The following ACIN1 variants were observed in gnomAD, a reference collection of about 807,000 sequenced individuals.
ACIN1 encodes apoptotic chromatin condensation inducer 1, also known as apoptotic chromatin condensation inducer in the nucleus.
ACIN1 carries 16 observed loss-of-function variants against 146.6 expected under a neutral mutation model. The ratio of observed to expected loss-of-function variants is 0.11; its 90% CI spans 0.07 to 0.17. The LOEUF (loss-of-function observed/expected upper bound fraction) is 0.17, where lower values mean the gene tolerates loss of function less well. Among genes scored for constraint, ACIN1 ranks in the 10% least tolerant of loss-of-function variants. The probability of loss-of-function intolerance (pLI) is 1.00; values close to 1 mark genes in which losing one functional copy is unlikely to be tolerated. For missense variants in ACIN1, 1,357 were observed against 1,609.3 expected, an observed-to-expected ratio of 0.84 and a Z score of 2.68; for synonymous variants, 569 against 582.7, an observed-to-expected ratio of 0.98 and a Z score of 0.34.
At position 23,069,552 on chromosome 14, in the gene ACIN1, G is replaced by T; in HGVS notation, c.2189C>A (p.Pro730His). Residue 730 changes from proline to histidine, a missense_variant, in exon 9 of 19, where the codon CCT becomes CAT. Coordinates refer to ENST00000605057, the MANE Select transcript of ACIN1 (RefSeq NM_001386863.1). ...ENRPENDVPE[P>H]PMPIADQVSN... ...GACTTGGTCTGCAATAGGCATGGGA[G>T]GTTCTGGAACATCATTTTCAGGTCT... The T allele has an allele frequency of 6.2e-7, 1 of 1,613,886 alleles. No homozygotes were observed. The highest frequency in any genetic ancestry group is 8.5e-7 in the Non-Finnish European group (1 of 1,179,940).
At chr14:23,069,275 A>G (rs2140059986) in intron 9 of ACIN1, 1 of 1,254,252 alleles carries the variant, frequency 8.0e-7, no homozygotes. Flanking sequence ...AGGAAAGGAA[A>G]ATGAATGAGC....
At chr14:23,070,856 T>C (rs2047620830) in intron 8 of ACIN1, among the ~76,000 whole-genome samples, 1 of 152,024 alleles carries the variant, frequency 6.6e-6, no homozygotes, top group Non-Finnish European at 1.5e-5. Flanking sequence ...ATCGGAACTG[T>C]GCCCCCAGCT....
intron 4 of ACIN1, among the ~76,000 whole-genome samples, chr14:23,089,456 T>C (rs1842456128): frequency 6.6e-6 from 1 of 152,204 alleles, no homozygotes; most frequent in Non-Finnish European, 1.5e-5. Flanking sequence ...GCTCACATAA[T>C]ACTCTGCGTT....
At chr14:23,086,448 T>C (rs963406519) in intron 4 of ACIN1, among the ~76,000 whole-genome samples, 4 of 152,220 alleles carry the variant, frequency 2.6e-5, no homozygotes, top group Admixed American at 2.6e-4. Flanking sequence ...AGGTGGATAA[T>C]GAGTCCTAAC....
At chr14:23,095,345 A>G (rs2140270646), upstream of ACIN1, 1 of 1,538,784 alleles carries the variant, frequency 6.5e-7, no homozygotes, top group Non-Finnish European at 8.8e-7. Context: ...CCCTGCTTTC[A>G]GGCTCGGTTT....
rs1356927909 is a variant in ACIN1, at chr14:23,080,536, T to G, written c.799A>C (p.Lys267Gln). The G allele has an allele frequency of 1.2e-6, 2 of 1,614,160 alleles. No homozygotes were observed. Among genetic ancestry groups the G allele is most frequent in the Middle Eastern group, 1.6e-4 (1 of 6,062 alleles). ...KPEEMMDERP[K>Q]TRSQEQEVLE... ...ACCTCCTGTTCCTGGGATCTTGTTT[T>G]GGGTCTCTCATCCATCATCTCCTCT... The change falls in exon 6 of 19, where the codon AAA becomes CAA. Residue 267 changes from lysine (K) to glutamine (Q), a missense_variant. Coordinates refer to ENST00000605057, the MANE Select transcript of ACIN1 (RefSeq NM_001386863.1).
chr14:23,061,156 C>G lies in ACIN1; in HGVS notation c.3453G>C (p.Lys1151Asn). The change falls in exon 18 of 19, where the codon AAG becomes AAC. Residue 1151 changes from lysine (K) to asparagine (N), a missense_variant. This residue lies in a region of ACIN1 where 509 missense variants were observed against 719.6 expected (regional missense o/e 0.71). Transcript: ENST00000605057. The part of the protein sequence containing the change: ...KEKAQEEPPA[K>N]LLDDLFRKTK... ...TCTTTCGGAAAAGGTCATCCAGCAGCTTGGCAGGTGGTTCCTCCTGGGCTT... is the reference window on the plus strand; with the variant it reads ...TCTTTCGGAAAAGGTCATCCAGCAGGTTGGCAGGTGGTTCCTCCTGGGCTT... 1 of 1,614,142 alleles carries G rather than the reference C, an allele frequency of 6.2e-7. No homozygotes were observed. The highest frequency in any genetic ancestry group is 2.2e-5 in the East Asian group (1 of 44,872).
rs1455771747 is a variant in ACIN1 at position 23,064,099 on chromosome 14, C to G, written c.2595+6G>C. ...TTCCCCTGACACTGGGGTGCAGAAG[C>G]CTTACCTGAGTGACTGTCCGGCATA... On this transcript the variant is annotated splice_donor_region_variant and intron_variant, in intron 12 of 18. Transcript: ENST00000605057. 1 of 1,613,912 alleles carries G rather than the reference C, an allele frequency of 6.2e-7. No homozygotes were observed.
intron 8 of ACIN1, 40 bp from the exon 9 acceptor site, chr14:23,069,657 A>T (rs772413414): frequency 6.4e-7 from 1 of 1,552,106 alleles, no homozygotes; most frequent in Non-Finnish European, 8.8e-7. Context: ...GGCGGGCAGA[A>T]AAGAACCAAG....
chr14:23,082,851 T>A (rs2047983330), intron 4 of ACIN1, among the ~76,000 whole-genome samples: 1 of 151,918 alleles, frequency 6.6e-6, no homozygotes, highest in Non-Finnish European at 1.5e-5. Context: ...GCGATTCTCC[T>A]GCTTCAGCCT....
chr14:23,063,173 C>T (rs2047341667), intron 13 of ACIN1, 99 bp from the exon 14 acceptor site: 2 of 1,341,812 alleles, frequency 1.5e-6, no homozygotes, highest in South Asian at 1.4e-5. Context: ...TTATACCAAG[C>T]AGCCACTCCT....
Position 23,064,431 on chromosome 14 carries a change from C to T in ACIN1, c.2366G>A (p.Arg789Gln). The T allele has an allele frequency of 1.2e-6, 2 of 1,614,252 alleles. No individual in the cohort carries two copies. Among genetic ancestry groups the T allele is most frequent in the South Asian group, 1.1e-5 (1 of 91,088 alleles). ...TGTGCTGGCTCCCCAGCGTCGTTTC[C>T]GACCAGGCTGGCCCCCCTCTGTGTC... is the stretch of plus-strand genomic sequence containing the variant. ...NSDTEGGQPG[R>Q]KRRWGASTAT... Residue 789 changes from arginine to glutamine, a missense_variant, in exon 11 of 19, where the codon CGG becomes CAG. Arg to Gln is a conservative substitution (Grantham distance 43). Transcript: ENST00000605057.
intron 8 of ACIN1, chr14:23,071,704 T>C (rs768885068): frequency 2.6e-6 from 2 of 758,296 alleles, no homozygotes; most frequent in African/African-American, 1.8e-5. Flanking sequence ...TCCAGAGGCC[T>C]GGCCTTCTTT....
In ACIN1 at chr14:23,071,739, G is replaced by A. The variant is rs529638358; in HGVS notation, c.2124-2122C>T. The A allele has an allele frequency of 6.7e-6, 4 of 593,052 alleles. No individual in the cohort carries two copies. The East Asian group carries it at 9.2e-5, about 14-fold the overall frequency. 36.7% of individuals were successfully genotyped at this position (593,052 alleles called of 1,614,324 possible). ...TTCTCAAGTTACAGCAGCTACAGAG[G>A]CTTAACCCCCCAGGGCTGGAGTGCT... On this transcript the variant is annotated intron_variant, in intron 8 of 18. Coordinates refer to ENST00000605057, the MANE Select transcript of ACIN1 (RefSeq NM_001386863.1).
At chr14:23,069,309 C>T in intron 9 of ACIN1, 167 bp downstream of exon 9, 1 of 1,328,718 alleles carries the variant, frequency 7.5e-7, no homozygotes, top group Non-Finnish European at 9.6e-7. Flanking sequence ...CAAGGGGTCT[C>T]CCTTGCTAAA....
At chr14:23,076,783 AG>A (rs2047812907) in intron 8 of ACIN1, among the ~76,000 whole-genome samples, 1 of 152,242 alleles carries the variant, frequency 6.6e-6, no homozygotes, top group South Asian at 2.1e-4. Context: ...AATTGGGAGG[AG>A]GGGGGCAGGT....
rs764940946 is a variant in ACIN1 at position 23,066,003 on chromosome 14, C to T, written c.2271G>A (p.Ser757=). Residue 757 remains serine (S), a synonymous_variant, in exon 10 of 19, where the codon TCG becomes TCA. Coordinates refer to ENST00000605057, the MANE Select transcript of ACIN1 (RefSeq NM_001386863.1). ...TCTTCCTCTTGAATGATTTGGGCAG[C>T]GAGCTCTGTATGAAGAAGAAAAAGG... ...SVEDEEKKES[S]LPKSFKRKIS... The T allele has an allele frequency of 3.7e-6, 6 of 1,612,418 alleles. No homozygotes were observed. Among genetic ancestry groups the T allele is most frequent in the Non-Finnish European group, 4.2e-6 (5 of 1,179,336 alleles).
intron 11 of ACIN1, 46 bp from the exon 12 acceptor site, chr14:23,064,303 A>T: frequency 6.2e-7 from 1 of 1,613,380 alleles, no homozygotes; most frequent in Non-Finnish European, 8.5e-7. Context: ...GCCCATGTCT[A>T]CTCCCACCTT....
At position 23,094,862 on chromosome 14, in the gene ACIN1, T is replaced by C. The variant is rs1392642920; in HGVS notation, c.138+113A>G. 5 of 1,408,762 alleles carry C rather than the reference T, an allele frequency of 3.5e-6. No individual in the cohort carries two copies. In the South Asian group the frequency reaches 4.2e-5, roughly 12 times the overall value. 87.3% of individuals were successfully genotyped at this position (1,408,762 alleles called of 1,614,324 possible). A position where few individuals can be genotyped will look rare whatever the true frequency, so the allele number is the denominator to read the frequency against. The stretch of plus-strand genomic sequence containing the variant: ...TGCGCGCGGATCCAGAGGCTCGCGC[T>C]GGCGGCCTGAGCGAGCTCGCGCCGA... On this transcript the variant is annotated intron_variant, in intron 1 of 18. Transcript: ENST00000605057.
Sources: gnomAD v4.1 joint callset for allele counts (sites outside exome capture counted in the v4.1 genomes callset) on GRCh38, gnomAD v4.1.1 for gene constraint, gnomAD v4.1.1 regional missense constraint, MANE v1.5 for transcripts, NCBI Gene and HGNC (gene_info 2026-07-23, HGNC 2026-07-21) for gene names.